Variants in NIBAN3 observed in about 807,000 individuals in gnomAD.
NIBAN3 encodes protein Niban 3.
A neutral mutation model predicts 76.4 loss-of-function variants in NIBAN3; 66 were observed. The ratio of observed to expected loss-of-function variants is 0.86; its 90% CI spans 0.71 to 1.06. The LOEUF is 1.06. NIBAN3 is among the 50% of genes least tolerant of loss of function. NIBAN3 has a pLI of 0.00. For synonymous variants in NIBAN3, 360 were observed against 355.2 expected (o/e 1.01, Z -0.15); for missense variants, 808 against 810.7 (o/e 1.00, Z 0.04).
upstream of NIBAN3, chr19:17,523,564 G>A (rs2075577547): frequency 1.1e-6 from 1 of 924,776 alleles, no homozygotes; most frequent in East Asian, 2.7e-5. Flanking sequence ...GCGAAGTGAA[G>A]GGAAATTGAG....
At chr19:17,523,319 A>C, upstream of NIBAN3, 1 of 914,798 alleles carries the variant, frequency 1.1e-6, no homozygotes, top group Non-Finnish European at 1.6e-6. Flanking sequence ...GGAGATGGGA[A>C]TTGAAACCTG....
At chr19:17,538,838 G>A (rs930253240) in intron 5 of NIBAN3, among the ~76,000 whole-genome samples, 2 of 152,196 alleles carry the variant, frequency 1.3e-5, no homozygotes, top group African/African-American at 4.8e-5. Flanking sequence ...CAGCAGGACT[G>A]ACACACACAG....
intron 1 of NIBAN3, 60 bp downstream of exon 1, chr19:17,527,455 G>A: frequency 6.9e-7 from 1 of 1,459,492 alleles, no homozygotes. Flanking sequence ...CCAGCCATTG[G>A]GTCCACATGC....
Position 17,542,154 on chromosome 19 carries a change from A to G in NIBAN3, c.1189A>G (p.Met397Val). 1 of 1,614,072 alleles carries G rather than the reference A, an allele frequency of 6.2e-7. No individual in the cohort carries two copies. The highest frequency in any genetic ancestry group is 8.5e-7 in the Non-Finnish European group (1 of 1,180,022). The change falls in exon 10 of 15, where the codon ATG becomes GTG. Residue 397 changes from methionine (M) to valine (V), a missense_variant. Transcript: ENST00000599164. The surrounding 1 kb of genome is among the most constrained non-coding windows in gnomAD (Gnocchi z 4.8). The part of the protein sequence containing the change: ...LRREVYSFGE[M>V]PWDLALMQTC... Reference sequence around the variant, plus strand: ...AGCACAGGTTTACTCATTTGGGGAGATGCCGTGGGACTTGGCGCTGATGCA... The same window carrying G: ...AGCACAGGTTTACTCATTTGGGGAGGTGCCGTGGGACTTGGCGCTGATGCA...
intron 4 of NIBAN3, 139 bp from the exon 5 acceptor site, chr19:17,537,237 T>A (rs897627232): frequency 6.7e-6 from 6 of 897,640 alleles, no homozygotes; most frequent in Non-Finnish European, 8.6e-6. Context: ...GCTGTTGGAA[T>A]AAGGATGGTG....
At chr19:17,526,093 C>CTT (rs2075603984), upstream of NIBAN3, among the ~76,000 whole-genome samples, 1 of 151,676 alleles carries the variant, frequency 6.6e-6, no homozygotes, top group African/African-American at 2.4e-5. Context: ...GAGGGTGGAT[C>CTT]ACGAGGTCAG....
At chr19:17,529,644 A>G (rs1382251520) in intron 1 of NIBAN3, among the ~76,000 whole-genome samples, 1 of 152,158 alleles carries the variant, frequency 6.6e-6, no homozygotes, top group Non-Finnish European at 1.5e-5. Flanking sequence ...AGCTTTTGAA[A>G]AGCTCCCCAG....
At chr19:17,524,580 C>T (rs1461128365), upstream of NIBAN3, among the ~76,000 whole-genome samples, 3 of 152,208 alleles carry the variant, frequency 2.0e-5, no homozygotes, top group Non-Finnish European at 4.4e-5. Context: ...CCACAACAGC[C>T]AGCTGAAAAA....
At chr19:17,540,128 G>C (rs2075918303) in intron 8 of NIBAN3, 2 of 420,244 alleles carry the variant, frequency 4.8e-6, no homozygotes, top group Non-Finnish European at 8.4e-6. Context: ...GCGGGTGGGC[G>C]GGCCTGGGAA....
chr19:17,529,315 CTGAGAGG>C (rs959896630), intron 1 of NIBAN3, among the ~76,000 whole-genome samples: 9 of 151,060 alleles, frequency 6.0e-5, no homozygotes, highest in Non-Finnish European at 1.0e-4. Context: ...TCTCCTCAAA[CTGAGAGG>C]TGTGGAAGCA....
chr19:17,539,847 G>C (rs760060456), intron 8 of NIBAN3, 82 bp downstream of exon 8: 176 of 1,137,340 alleles, frequency 1.5e-4, no homozygotes, highest in Non-Finnish European at 2.1e-4. Context: ...CGAAGAATGG[G>C]CTTGAAGTTA....
intron 1 of NIBAN3, among the ~76,000 whole-genome samples, chr19:17,530,129 T>C (rs962431702): frequency 6.6e-6 from 1 of 151,112 alleles, no homozygotes; most frequent in African/African-American, 2.5e-5. Flanking sequence ...CTGAGCAACA[T>C]GGCGAAACCT....
chr19:17,534,289 C>T lies in NIBAN3; in HGVS notation c.427+588C>T, dbSNP rs538844680. ...CACCACTTTGGGAGGCCGAGGTGGG[C>T]GGATCACTTGAGGTCAGGAGTTCGA... On this transcript the variant is annotated intron_variant, in intron 4 of 14. Coordinates refer to ENST00000599164, the MANE Select transcript of NIBAN3 (RefSeq NM_001321827.2). 1.6e-4 allele frequency among the ~76,000 whole-genome samples: 25 copies of T among 152,222 alleles called. No homozygotes were observed. In the East Asian group the frequency reaches 1.9e-3, roughly 12 times the overall value.
Position 17,552,082 on chromosome 19 carries a change from T to TG in NIBAN3, c.*184_*185insG. ...TCCCCAAGGCTTTCTTTATTTTAAT[T>TG]TTTTTTTTTTTTTTGAGACTGAGTC... is the stretch of plus-strand genomic sequence containing the variant. On this transcript the variant is annotated 3_prime_UTR_variant, in exon 15 of 15. Transcript: ENST00000599164. 2 of 336,174 alleles carry TG rather than the reference T, an allele frequency of 5.9e-6. No homozygotes were observed. Among genetic ancestry groups the TG allele is most frequent in the Non-Finnish European group, 1.1e-5 (2 of 188,474 alleles). 20.8% of individuals were successfully genotyped at this position (336,174 alleles called of 1,614,324 possible).
At chr19:17,537,870 C>T (rs868522026) in intron 5 of NIBAN3, among the ~76,000 whole-genome samples, 12 of 151,402 alleles carry the variant, frequency 7.9e-5, no homozygotes, top group South Asian at 4.2e-4. Context: ...CACTTGAACC[C>T]GGGAGGTGGA....
At position 17,553,564 on chromosome 19, in the gene NIBAN3, GAT is replaced by G. The variant is rs777946569; in HGVS notation, c.*1669_*1670del. The G allele has an allele frequency of 5.0e-6, 8 of 1,613,408 alleles. No homozygotes were observed. Among genetic ancestry groups the G allele is most frequent in the Non-Finnish European group, 5.9e-6 (7 of 1,179,344 alleles). On this transcript the variant is annotated 3_prime_UTR_variant, in exon 15 of 15. Transcript: ENST00000599164. The stretch of plus-strand genomic sequence containing the variant: ...TTTTCGGCCTACCCCAAGACAATGA[GAT>G]ATTCCTGACCTTTCCACCTATTTCC...
At chr19:17,546,023 G>C (rs988968593) in intron 12 of NIBAN3, 2 of 422,210 alleles carry the variant, frequency 4.7e-6, no homozygotes, top group African/African-American at 4.1e-5. Flanking sequence ...CATCTTCCCA[G>C]ACGCTGGCGT....
In NIBAN3 at chr19:17,537,473, T is replaced by G; in HGVS notation, c.525T>G (p.Ser175=). 1 of 1,613,486 alleles carries G rather than the reference T, an allele frequency of 6.2e-7. No individual in the cohort carries two copies. The highest frequency in any genetic ancestry group is 8.5e-7 in the Non-Finnish European group (1 of 1,180,026). ...CCTTCCGCCGGCACCTCTGCTTCTC[T>G]GCAGCCACCAGGGAGGCACAGCATG... ...QHPFRRHLCF[S]AATREAQHAW... is the part of the protein sequence containing the mutation. Residue 175 remains serine, a synonymous_variant, in exon 5 of 15, where the codon TCT becomes TCG. Transcript: ENST00000599164.
chr19:17,523,444 G>A (rs914463705), upstream of NIBAN3: 25 of 1,563,768 alleles, frequency 1.6e-5, no homozygotes, highest in Non-Finnish European at 2.1e-5. Context: ...GTGGGATGGG[G>A]CCTGACCGGA....
Sources: gnomAD v4.1 joint callset for allele counts (sites outside exome capture counted in the v4.1 genomes callset) on GRCh38, gnomAD v4.1.1 for gene constraint, Gnocchi (gnomAD v3.1) non-coding constraint, MANE v1.5 for transcripts, NCBI Gene and HGNC (gene_info 2026-07-23, HGNC 2026-07-21) for gene names.